The following ASAP2 variants were observed in gnomAD, a reference collection of about 807,000 sequenced individuals.
ASAP2 encodes arf-GAP with SH3 domain, ANK repeat and PH domain-containing protein 2.
A neutral mutation model predicts 131.4 loss-of-function variants in ASAP2; 45 were observed. The observed-to-expected ratio is 0.34, with a 90% CI of 0.27 to 0.44. The LOEUF (loss-of-function observed/expected upper bound fraction) is 0.44, where lower values mean the gene tolerates loss of function less well. Among genes scored for constraint, ASAP2 ranks in the 20% least tolerant of loss-of-function variants. ASAP2 has a pLI of 1.00. For missense variants in ASAP2, 1,011 were observed against 1,297.0 expected (o/e 0.78, Z 3.39); for synonymous variants, 510 against 503.0 (o/e 1.01, Z -0.19).
chr2:9,338,077 C>T (rs1054575308), intron 9 of ASAP2, among the ~76,000 whole-genome samples: 7 of 152,198 alleles, frequency 4.6e-5, no homozygotes, highest in South Asian at 4.1e-4. Flanking sequence ...CCCACGTCGT[C>T]CATCCGATGG....
chr2:9,295,907 A>G (rs769454481), intron 2 of ASAP2, among the ~76,000 whole-genome samples: 31 of 152,364 alleles, frequency 2.0e-4, no homozygotes, highest in Non-Finnish European at 3.7e-4. Flanking sequence ...TTCATAGGTC[A>G]TAGGGATTGG....
intron 2 of ASAP2, among the ~76,000 whole-genome samples, chr2:9,296,378 G>A (rs958144066): frequency 5.9e-5 from 9 of 152,192 alleles, no homozygotes; most frequent in Non-Finnish European, 1.3e-4. Context: ...TGGGACGGTG[G>A]TGTCTAGAGT....
intron 7 of ASAP2, among the ~76,000 whole-genome samples, chr2:9,329,873 T>C (rs1558336646): frequency 1.3e-5 from 2 of 152,252 alleles, no homozygotes; most frequent in Admixed American, 6.5e-5. Flanking sequence ...ACCCAGCTTA[T>C]GGATCATTCC....
rs1169750170 is a variant in ASAP2, at chr2:9,401,389, A to T, written c.2939A>T (p.Glu980Val). The change falls in exon 27 of 28, where the codon GAG (glutamate) becomes GTG (valine). Residue 980 changes from glutamate to valine, a missense_variant. Around this residue, in one of 2 missense-constraint regions of ASAP2, gnomAD observed 652 missense variants for 698.9 expected, o/e 0.93. Transcript: ENST00000281419. ...ATCGTGGACGGGGAGGAGGACCAGG[A>T]GTGGTGGGTGAGTCAAGGGTGGGCC... is the stretch of plus-strand genomic sequence containing the variant. ...VIIVDGEEDQ[E>V]WWIGHIDGDP... is the part of the protein sequence containing the mutation. The T allele has an allele frequency of 3.1e-6, 5 of 1,613,114 alleles. No homozygotes were observed. Among genetic ancestry groups the T allele is most frequent in the Non-Finnish European group, 4.2e-6 (5 of 1,179,766 alleles).
chr2:9,331,629 G>A (rs1670844772), intron 7 of ASAP2, among the ~76,000 whole-genome samples: 1 of 152,140 alleles, frequency 6.6e-6, no homozygotes, highest in Non-Finnish European at 1.5e-5. Context: ...TTAGCCGGAT[G>A]CGGTAGTGCA....
At position 9,242,945 on chromosome 2, in the gene ASAP2, A is replaced by G. The variant is rs377005133; in HGVS notation, c.126+35715A>G. 1.2e-4 allele frequency among the ~76,000 whole-genome samples: 18 copies of G among 152,304 alleles called. No individual in the cohort carries two copies. In the South Asian group the frequency reaches 3.7e-3, roughly 32 times the overall value. ...GTAACAACAAATTTTTGCTCAAAAA[A>G]AGAGGCATAAGCAGCGTTGTGTGCT... On this transcript the variant is annotated intron_variant, in intron 1 of 27. Transcript: ENST00000281419.
chr2:9,306,283 G>C lies in ASAP2; in HGVS notation c.345+8838G>C, dbSNP rs983594196. Among the ~76,000 whole-genome samples, 2 of 150,500 alleles carry C rather than the reference G, an allele frequency of 1.3e-5. 1 individual carries two copies. Among genetic ancestry groups the C allele is most frequent in the Admixed American group, 1.3e-4 (2 of 15,154 alleles). ...TGGGGCTGTAGGGGATAGAGATACC[G>C]GGTGGGAGGGCTGTAGTAGTGGGGG... On this transcript the variant is annotated intron_variant, in intron 3 of 27. Coordinates refer to ENST00000281419, the MANE Select transcript of ASAP2 (RefSeq NM_003887.3).
intron 3 of ASAP2, among the ~76,000 whole-genome samples, chr2:9,301,818 A>ATTTTTTTTTTTTTTTT (rs1558310253): frequency 1.6e-5 from 2 of 127,354 alleles, no homozygotes; most frequent in African/African-American, 6.0e-5. Context: ...TGTATCCATC[A>ATTTTTTTTTTTTTTTT]TCTTTTTTTT....
intron 23 of ASAP2, 98 bp downstream of exon 23, chr2:9,391,294 G>C (rs111880801): frequency 8.8e-6 from 13 of 1,478,682 alleles, no homozygotes; most frequent in Non-Finnish European, 1.2e-5. Context: ...GCACAGACAC[G>C]TGCCAAGTGC....
chr2:9,287,873 C>T (rs1667568704), intron 2 of ASAP2, among the ~76,000 whole-genome samples: 2 of 152,160 alleles, frequency 1.3e-5, no homozygotes, highest in Admixed American at 6.5e-5. Flanking sequence ...AGGAGGGTAC[C>T]TCTGAAGGAA....
rs1662117581 is a variant in ASAP2, at chr2:9,217,297, C to T, written c.126+10067C>T. ...TTTCCTGTTTGCCTCATCTGTCCTCCTTGCTGCAGAAATTGTTCTTCTTTC... is the reference window on the plus strand; with the variant it reads ...TTTCCTGTTTGCCTCATCTGTCCTCTTTGCTGCAGAAATTGTTCTTCTTTC... On this transcript the variant is annotated intron_variant, in intron 1 of 27. Coordinates refer to ENST00000281419, the MANE Select transcript of ASAP2 (RefSeq NM_003887.3). The surrounding 1 kb of genome is among the most constrained non-coding windows in gnomAD (Gnocchi z 4.0). 6.6e-6 allele frequency among the ~76,000 whole-genome samples: 1 copy of T among 152,198 alleles called. No homozygotes were observed. Among genetic ancestry groups the T allele is most frequent in the South Asian group, 2.1e-4 (1 of 4,836 alleles).
chr2:9,245,601 A>G, intron 1 of ASAP2, among the ~76,000 whole-genome samples: 1 of 151,604 alleles, frequency 6.6e-6, no homozygotes, highest in East Asian at 1.9e-4. Flanking sequence ...AAAGAGCACC[A>G]CTCTTTCTCT....
rs182120305 is a variant in ASAP2 at position 9,287,188 on chromosome 2, C to T, written c.199+7799C>T. ...GAGGCGGGAAGTTGCTGGGGGCACA[C>T]GGTGGAGAAAACAAGCAGCAACGTG... On this transcript the variant is annotated intron_variant, in intron 2 of 27. Coordinates refer to ENST00000281419, the MANE Select transcript of ASAP2 (RefSeq NM_003887.3). Among the ~76,000 whole-genome samples, 236 of 152,320 alleles carry T rather than the reference C, an allele frequency of 1.5e-3. 3 individuals are homozygous for T. The highest frequency in any genetic ancestry group is 0.014 in the Middle Eastern group (4 of 294).
At chr2:9,347,947 C>T (rs1672077848) in intron 11 of ASAP2, among the ~76,000 whole-genome samples, 1 of 152,214 alleles carries the variant, frequency 6.6e-6, no homozygotes, top group Admixed American at 6.5e-5. Flanking sequence ...CACTGATAAT[C>T]TCTGCCTGCA....
Position 9,343,825 on chromosome 2 carries a change from A to T in ASAP2, c.850-707A>T, listed in dbSNP as rs1483693454. On this transcript the variant is annotated intron_variant, in intron 9 of 27. Coordinates refer to ENST00000281419, the MANE Select transcript of ASAP2 (RefSeq NM_003887.3). ...ACTTGGGCCCTGGGTGTTCATTGCTAGTCCTCGCTTACCCTAAGAAGCTGA... is the reference window on the plus strand; with the variant it reads ...ACTTGGGCCCTGGGTGTTCATTGCTTGTCCTCGCTTACCCTAAGAAGCTGA... Among the ~76,000 whole-genome samples, 4 of 152,308 alleles carry T rather than the reference A, an allele frequency of 2.6e-5. No homozygotes were observed. In the East Asian group the frequency reaches 7.7e-4, roughly 29 times the overall value.
chr2:9,297,285 G>A lies in ASAP2; in HGVS notation c.200-15G>A, dbSNP rs369207362. On this transcript the variant is annotated splice_polypyrimidine_tract_variant and intron_variant, in intron 2 of 27. Coordinates refer to ENST00000281419, the MANE Select transcript of ASAP2 (RefSeq NM_003887.3). The stretch of plus-strand genomic sequence containing the variant: ...CATGCCTGAGACTCACAGCACCTCC[G>A]TCATTCTGTTGCAGCTCACGTGGAA... The A allele has an allele frequency of 3.7e-6, 6 of 1,611,942 alleles. No homozygotes were observed. The African/African-American group carries it at 5.3e-5, about 14-fold the overall frequency.
At chr2:9,256,629 C>T (rs1665183491) in intron 1 of ASAP2, among the ~76,000 whole-genome samples, 1 of 152,194 alleles carries the variant, frequency 6.6e-6, no homozygotes, top group Non-Finnish European at 1.5e-5. Context: ...TCAGAATTGT[C>T]TCTGTCTTGT....
intron 1 of ASAP2, among the ~76,000 whole-genome samples, chr2:9,265,897 C>T (rs549602797): frequency 4.6e-5 from 7 of 152,156 alleles, no homozygotes; most frequent in Admixed American, 6.5e-5. Flanking sequence ...CTCAGCCTCC[C>T]GAGTAGCTGG....
intron 1 of ASAP2, among the ~76,000 whole-genome samples, chr2:9,239,910 A>T (rs1485568879): frequency 6.6e-6 from 1 of 151,660 alleles, no homozygotes; most frequent in Non-Finnish European, 1.5e-5. Flanking sequence ...TGTAGAGATG[A>T]GTTTTTGTCA....
Sources: allele counts gnomAD v4.1 joint callset (sites outside exome capture counted in the v4.1 genomes callset), GRCh38; gene constraint gnomAD v4.1.1; regional missense constraint gnomAD v4.1.1; non-coding constraint Gnocchi (gnomAD v3.1); transcripts MANE v1.5; gene names NCBI Gene and HGNC (gene_info 2026-07-23, HGNC 2026-07-21).